The following TBL1X variants were observed in gnomAD, a reference collection of about 807,000 sequenced individuals.
TBL1X encodes the protein transducin beta like 1 X-linked.
TBL1X carries 10 observed loss-of-function variants against 50.7 expected under a neutral mutation model. The ratio of observed to expected loss-of-function variants is 0.20; its 90% CI spans 0.12 to 0.33. The LOEUF is 0.33. Among genes scored for constraint, TBL1X ranks in the 10% least tolerant of loss-of-function variants. The pLI, the probability that TBL1X is intolerant of heterozygous loss-of-function variation, is 1.00. For missense variants in TBL1X, 340 were observed against 504.4 expected, an observed-to-expected ratio of 0.67 and a Z score of 3.12; for synonymous variants, 190 against 214.7, an observed-to-expected ratio of 0.88 and a Z score of 1.01.
intron 2 of TBL1X, chrX:9,637,899 A>G (rs1411269021): frequency 1.8e-5 from 2 of 111,883 alleles, no homozygotes; most frequent in Non-Finnish European, 3.8e-5. Context: ...GTAGTGGAAC[A>G]CCTGGGGTCT....
At chrX:9,661,702 C>G (rs755204730) in intron 5 of TBL1X, among the ~76,000 whole-genome samples, 1 of 111,041 alleles carries the variant, frequency 9.0e-6, no homozygotes, top group Non-Finnish European at 1.9e-5. Context: ...GTGCTGAGCG[C>G]CCACCAACAC....
At chrX:9,685,617 C>G (rs1460838189) in intron 6 of TBL1X, among the ~76,000 whole-genome samples, 1 of 111,441 alleles carries the variant, frequency 9.0e-6, no homozygotes, top group Non-Finnish European at 1.9e-5. Context: ...TGGTCTTGCC[C>G]TTACAAACCT....
chrX:9,708,039 C>T (rs750219481), intron 13 of TBL1X, among the ~76,000 whole-genome samples: 56 of 111,923 alleles, frequency 5.0e-4, no homozygotes, highest in African/African-American at 1.6e-3. Flanking sequence ...ATTGTTAGGC[C>T]GGGACAGCAG....
rs1045419405 is a variant in TBL1X, at chrX:9,716,408, T to C, written c.*162T>C. The C allele has an allele frequency of 5.9e-5, 30 of 508,331 alleles. No individual in the cohort carries two copies. The highest frequency in any genetic ancestry group is 8.6e-5 in the Non-Finnish European group (28 of 324,294). The allele number at this position is 508,331 out of a possible 1,213,427, so 41.9% of individuals were successfully genotyped here. A position where few individuals can be genotyped will look rare whatever the true frequency, so the allele number is the denominator to read the frequency against. ...CAGGAGTCTATATGTTTTCGTAATC[T>C]TCATCAAGAAGTTTTTAAAAGGCAA... On this transcript the variant is annotated 3_prime_UTR_variant, in exon 18 of 18. Transcript: ENST00000645353.
chrX:9,495,246 A>G (rs2081965668), intron 1 of TBL1X, among the ~76,000 whole-genome samples: 1 of 111,493 alleles, frequency 9.0e-6, no homozygotes, highest in Non-Finnish European at 1.9e-5. Flanking sequence ...GCTATCCTAC[A>G]AGTATGTAGC....
chrX:9,537,995 G>A (rs2082197556), intron 2 of TBL1X, among the ~76,000 whole-genome samples: 1 of 111,512 alleles, frequency 9.0e-6, no homozygotes, highest in Non-Finnish European at 1.9e-5. Flanking sequence ...GGGAAGTGAG[G>A]CCCAAAATGA....
At chrX:9,481,927 A>G (rs2081884946) in intron 1 of TBL1X, among the ~76,000 whole-genome samples, 1 of 112,422 alleles carries the variant, frequency 8.9e-6, no homozygotes, top group South Asian at 3.6e-4. Flanking sequence ...CACTCGGGCC[A>G]GGTATAGTAA....
intron 17 of TBL1X, 75 bp downstream of exon 17, chrX:9,715,078 G>T: frequency 4.0e-6 from 4 of 1,004,953 alleles, no homozygotes; most frequent in Middle Eastern, 2.6e-4. Flanking sequence ...TCCAGGGCGT[G>T]TGCAGCATTC....
rs767736403 is a variant in TBL1X, at chrX:9,688,199, C to T, written c.540C>T (p.Ala180=). 69 of 1,196,812 alleles carry T rather than the reference C, an allele frequency of 5.8e-5. No homozygotes were observed. The highest frequency in any genetic ancestry group is 3.5e-5 in the African/African-American group (2 of 56,894). The change falls in exon 7 of 18, where the codon GCC becomes GCT. Residue 180 remains alanine, a synonymous_variant. Transcript: ENST00000645353. Reference sequence around the variant, plus strand: ...CGACAGCAGCCACCACGACCTCAGCCGGCGTTTCCCACCAAAATCCATCGA... The same window carrying T: ...CGACAGCAGCCACCACGACCTCAGCTGGCGTTTCCCACCAAAATCCATCGA... ...AAATAATTTS[A]GVSHQNPSKN... is the part of the protein sequence containing the mutation.
chrX:9,569,825 A>T (rs1454525187), intron 2 of TBL1X, among the ~76,000 whole-genome samples: 1 of 112,603 alleles, frequency 8.9e-6, no homozygotes. Flanking sequence ...TCCCATTAGG[A>T]TAAATTAGAA....
At chrX:9,709,852 C>T in intron 15 of TBL1X, 92 bp downstream of exon 15, 2 of 1,099,905 alleles carry the variant, frequency 1.8e-6, no homozygotes, top group Non-Finnish European at 2.4e-6. Context: ...TGTGTTGAAG[C>T]CCTTCAGAGG....
At chrX:9,653,927 T>C (rs1454404309) in intron 4 of TBL1X, among the ~76,000 whole-genome samples, 1 of 112,069 alleles carries the variant, frequency 8.9e-6, no homozygotes, top group Non-Finnish European at 1.9e-5. Flanking sequence ...TGTCGTGCTC[T>C]GTTGCCCCTG....
At chrX:9,595,120 T>C (rs1463820747) in intron 2 of TBL1X, among the ~76,000 whole-genome samples, 1 of 112,026 alleles carries the variant, frequency 8.9e-6, no homozygotes, top group Non-Finnish European at 1.9e-5. Flanking sequence ...CACTGTGCAG[T>C]GGGGTGTGGA....
chrX:9,569,567 A>G (rs754290980), intron 2 of TBL1X, among the ~76,000 whole-genome samples: 17 of 112,116 alleles, frequency 1.5e-4, no homozygotes, highest in African/African-American at 5.5e-4. Context: ...CTGTAGTCCC[A>G]GCACTTGAGG....
At chrX:9,687,075 T>C (rs112939072) in intron 6 of TBL1X, among the ~76,000 whole-genome samples, 18 of 112,687 alleles carry the variant, frequency 1.6e-4, no homozygotes, top group African/African-American at 5.5e-4. Flanking sequence ...TATAAACATG[T>C]GTTTGCACAT....
intron 5 of TBL1X, among the ~76,000 whole-genome samples, chrX:9,679,783 T>C (rs1460958087): frequency 1.8e-5 from 2 of 111,163 alleles, no homozygotes; most frequent in East Asian, 5.7e-4. Context: ...GTGGGAGGGG[T>C]GAGATGCTGG....
intron 17 of TBL1X, among the ~76,000 whole-genome samples, 193 bp from the exon 18 acceptor site, chrX:9,716,027 C>T (rs924019318): frequency 4.5e-5 from 5 of 112,165 alleles, no homozygotes; most frequent in Admixed American, 9.4e-5. Flanking sequence ...TCAGTTTGCT[C>T]GGTCCGATGT....
intron 15 of TBL1X, among the ~76,000 whole-genome samples, chrX:9,711,346 A>G (rs1442158931): frequency 9.0e-6 from 1 of 110,603 alleles, no homozygotes; most frequent in African/African-American, 3.3e-5. Context: ...CATCTCAAAA[A>G]AAAAAAAAAA....
chrX:9,519,851 G>A (rs1236648462), intron 2 of TBL1X, among the ~76,000 whole-genome samples: 2 of 112,216 alleles, frequency 1.8e-5, no homozygotes, highest in Non-Finnish European at 1.9e-5. Flanking sequence ...CAGCCCAGAT[G>A]ATTTTTCATG....
Sources: gnomAD v4.1 joint callset for allele counts (sites outside exome capture counted in the v4.1 genomes callset) on GRCh38, gnomAD v4.1.1 for gene constraint, MANE v1.5 for transcripts, NCBI Gene and HGNC (gene_info 2026-07-23, HGNC 2026-07-21) for gene names.